PLB1: variants seen among roughly 807,000 people sequenced by gnomAD.
PLB1 encodes the protein phospholipase B1.
A neutral mutation model predicts 227.4 loss-of-function variants in PLB1; 242 were observed. The ratio of observed to expected loss-of-function variants is 1.06; its 90% CI spans 0.96 to 1.18. PLB1 has a LOEUF of 1.18. Ranked by LOEUF, PLB1 falls within the 50% of genes most tolerant of loss-of-function variation. PLB1 has a pLI of 0.00. For synonymous variants in PLB1, 757 were observed against 682.2 expected (o/e 1.11, Z -1.71); for missense variants, 1,858 against 1,816.3 (o/e 1.02, Z -0.42).
At chr2:28,577,897 C>T (rs1160755089) in intron 21 of PLB1, among the ~76,000 whole-genome samples, 1 of 152,206 alleles carries the variant, frequency 6.6e-6, no homozygotes, top group Non-Finnish European at 1.5e-5. Context: ...ACGTGCAGTG[C>T]TCTGGCCTTC....
chr2:28,567,380 T>C (rs1343660682), intron 20 of PLB1, among the ~76,000 whole-genome samples: 1 of 152,058 alleles, frequency 6.6e-6, no homozygotes, highest in Non-Finnish European at 1.5e-5. Flanking sequence ...TGAAGTTATC[T>C]TGTGCAGGCT....
intron 21 of PLB1, among the ~76,000 whole-genome samples, chr2:28,576,038 A>G (rs1208496637): frequency 6.6e-6 from 1 of 152,226 alleles, no homozygotes; most frequent in East Asian, 1.9e-4. Context: ...CCAAGAATGA[A>G]ACCTTAGAGT....
At chr2:28,565,481 T>A (rs1676732619) in intron 19 of PLB1, 128 bp downstream of exon 19, 4 of 765,956 alleles carry the variant, frequency 5.2e-6, no homozygotes, top group African/African-American at 3.5e-5. Context: ...ATGACCAACT[T>A]CTAGGTTTAA....
rs935483381 is a variant in PLB1, at chr2:28,552,780, G to C, written c.1084-148G>C. ...GGAAAAGATGTGGACAATTGGATAT[G>C]AGTGTTGAAGGAGAGGGAGAAATCT... is the stretch of plus-strand genomic sequence containing the variant. On this transcript the variant is annotated intron_variant, in intron 16 of 57. Coordinates refer to ENST00000327757, the MANE Select transcript of PLB1 (RefSeq NM_153021.5). 12 of 639,586 alleles carry C rather than the reference G, an allele frequency of 1.9e-5. No individual in the cohort carries two copies. The East Asian group carries it at 3.3e-4, about 18-fold the overall frequency. The allele number at this position is 639,586 out of a possible 1,614,324, so 39.6% of individuals were successfully genotyped here.
At chr2:28,547,511 T>G (rs1346440507) in intron 14 of PLB1, among the ~76,000 whole-genome samples, 1 of 152,246 alleles carries the variant, frequency 6.6e-6, no homozygotes, top group Non-Finnish European at 1.5e-5. Flanking sequence ...TAAAGTTCTT[T>G]TCTTGTTTCT....
rs570058631 is a variant in PLB1 at position 28,501,071 on chromosome 2, T to C, written c.55+4902T>C. 3.3e-5 allele frequency among the ~76,000 whole-genome samples: 5 copies of C among 152,372 alleles called. No individual in the cohort carries two copies. In the South Asian group the frequency reaches 6.2e-4, roughly 19 times the overall value. On this transcript the variant is annotated intron_variant, in intron 1 of 57. Coordinates refer to ENST00000327757, the MANE Select transcript of PLB1 (RefSeq NM_153021.5). ...AATGTTTGTTGATGCTGAAGTGTTA[T>C]TGTCTAGGCCCTTTCAGTGACAAAA...
intron 17 of PLB1, among the ~76,000 whole-genome samples, chr2:28,561,499 T>C (rs1428647739): frequency 6.6e-6 from 1 of 152,174 alleles, no homozygotes; most frequent in East Asian, 1.9e-4. Context: ...CTAGTCACAA[T>C]AGCCCAAAAG....
chr2:28,548,142 T>C (rs542817631), intron 14 of PLB1, among the ~76,000 whole-genome samples: 3 of 152,130 alleles, frequency 2.0e-5, no homozygotes, highest in East Asian at 3.9e-4. Context: ...GTGAAAGACA[T>C]GAGACTTGAC....
chr2:28,612,978 G>A (rs2148316794), intron 43 of PLB1, among the ~76,000 whole-genome samples: 1 of 151,762 alleles, frequency 6.6e-6, no homozygotes, highest in Non-Finnish European at 1.5e-5. Flanking sequence ...GGAGTGCACT[G>A]GCACAATTAT....
At chr2:28,614,840 A>C (rs921705516) in intron 44 of PLB1, among the ~76,000 whole-genome samples, 2 of 152,198 alleles carry the variant, frequency 1.3e-5, no homozygotes, top group Admixed American at 1.3e-4. Flanking sequence ...GTAGAATTTC[A>C]CAATTATTGA....
intron 43 of PLB1, among the ~76,000 whole-genome samples, chr2:28,611,361 C>T (rs1685434430): frequency 6.6e-6 from 1 of 152,192 alleles, no homozygotes; most frequent in Non-Finnish European, 1.5e-5. Context: ...CAGTGCCTCC[C>T]ATTCTGGTCA....
At chr2:28,536,161 T>A (rs1301851276) in intron 9 of PLB1, among the ~76,000 whole-genome samples, 1 of 152,220 alleles carries the variant, frequency 6.6e-6, no homozygotes, top group East Asian at 1.9e-4. Flanking sequence ...ACCTTTGGGC[T>A]CATTTAATGG....
chr2:28,559,851 A>C (rs1449591088), intron 17 of PLB1, among the ~76,000 whole-genome samples: 1 of 143,894 alleles, frequency 6.9e-6, no homozygotes, highest in Non-Finnish European at 1.5e-5. Context: ...TCCCAGGTTC[A>C]AGCAATTCTC....
intron 25 of PLB1, among the ~76,000 whole-genome samples, chr2:28,583,556 A>C (rs147153112): frequency 2.4e-4 from 36 of 152,312 alleles, no homozygotes; most frequent in Middle Eastern, 3.4e-3. Flanking sequence ...TTCATGTGAC[A>C]GGTTGTAGTG....
intron 46 of PLB1, among the ~76,000 whole-genome samples, chr2:28,619,530 T>G (rs1046122044): frequency 1.1e-4 from 16 of 151,788 alleles, no homozygotes; most frequent in Middle Eastern, 3.4e-3. Flanking sequence ...TTTTGTTTTT[T>G]TTTTTTTTTT....
chr2:28,633,135 C>G (rs1688872709), intron 56 of PLB1, 96 bp downstream of exon 56: 6 of 1,069,992 alleles, frequency 5.6e-6, no homozygotes, highest in Non-Finnish European at 8.4e-6. Flanking sequence ...GACATGGCTC[C>G]TTTCTCCCCA....
intron 16 of PLB1, among the ~76,000 whole-genome samples, chr2:28,552,109 A>G (rs1172213241): frequency 6.6e-6 from 1 of 152,232 alleles, no homozygotes; most frequent in Non-Finnish European, 1.5e-5. Context: ...CAATGGTACT[A>G]TAATAGGTAC....
chr2:28,624,793 G>C (rs973469010), intron 49 of PLB1, among the ~76,000 whole-genome samples: 1 of 128 alleles, frequency 7.8e-3, no homozygotes, highest in African/African-American at 0.038. Flanking sequence ...GAAGTATAAG[G>C]GAAAGTCCTG....
At chr2:28,634,397 C>T (rs1400102749) in intron 56 of PLB1, among the ~76,000 whole-genome samples, 2 of 152,118 alleles carry the variant, frequency 1.3e-5, no homozygotes, top group Non-Finnish European at 2.9e-5. Context: ...GAAAGGGTAC[C>T]TATTCCCTGT....
Sources: gnomAD v4.1 joint callset for allele counts (sites outside exome capture counted in the v4.1 genomes callset) on GRCh38, gnomAD v4.1.1 for gene constraint, MANE v1.5 for transcripts, NCBI Gene and HGNC (gene_info 2026-07-23, HGNC 2026-07-21) for gene names.